ADAMTSL1: variants seen among roughly 807,000 people sequenced by gnomAD.
ADAMTSL1 encodes ADAMTS-like protein 1.
Under a neutral mutation model 201.8 loss-of-function variants are expected in ADAMTSL1, and 126 were observed. The observed-to-expected ratio is 0.62, with a 90% confidence interval of 0.54 to 0.72. The LOEUF (loss-of-function observed/expected upper bound fraction) is 0.72, where lower values mean the gene tolerates loss of function less well. Among genes scored for constraint, ADAMTSL1 ranks in the 30% least tolerant of loss-of-function variants. ADAMTSL1 has a pLI of 0.00. For missense variants in ADAMTSL1, 2,679 were observed against 2,277.8 expected (o/e 1.18, Z -3.59); for synonymous variants, 1,121 against 903.4 (o/e 1.24, Z -4.32).
intron 2 of ADAMTSL1, among the ~76,000 whole-genome samples, chr9:18,266,971 C>T (rs757911409): frequency 5.3e-5 from 8 of 152,112 alleles, no homozygotes; most frequent in Non-Finnish European, 1.0e-4. Context: ...CTGAAGACGA[C>T]GTACACAGCA....
chr9:18,494,197 A>G (rs1822407514), intron 1 of ADAMTSL1, among the ~76,000 whole-genome samples: 1 of 152,132 alleles, frequency 6.6e-6, no homozygotes, highest in Admixed American at 6.5e-5. Flanking sequence ...CTCTATTAAA[A>G]ATACAAAAAT....
chr9:18,833,272 G>T (rs990912966), intron 23 of ADAMTSL1, among the ~76,000 whole-genome samples: 1 of 152,150 alleles, frequency 6.6e-6, no homozygotes, highest in Non-Finnish European at 1.5e-5. Flanking sequence ...GGTCTTTGAG[G>T]AATTGACCAC....
At chr9:17,959,374 C>G (rs1817631819) in intron 1 of ADAMTSL1, among the ~76,000 whole-genome samples, 1 of 152,166 alleles carries the variant, frequency 6.6e-6, no homozygotes, top group Non-Finnish European at 1.5e-5. Context: ...AGATGATACC[C>G]TCCTTCCTCT....
chr9:18,160,691 A>T (rs962488808), intron 1 of ADAMTSL1, among the ~76,000 whole-genome samples: 1 of 139,846 alleles, frequency 7.2e-6, no homozygotes, highest in Non-Finnish European at 1.6e-5. Context: ...TAATTAATTA[A>T]TTTTTTTGAG....
intron 1 of ADAMTSL1, among the ~76,000 whole-genome samples, chr9:18,491,993 A>G (rs1023031443): frequency 6.6e-6 from 1 of 152,194 alleles, no homozygotes. Flanking sequence ...GTAAATACCT[A>G]TTTAACTAGA....
rs1332264810 is a variant in ADAMTSL1 at position 18,563,200 on chromosome 9, GA to G, written c.238-10829del. 2.0e-5 allele frequency among the ~76,000 whole-genome samples: 3 copies of G among 152,144 alleles called. No individual in the cohort carries two copies. In the East Asian group the frequency reaches 5.8e-4, roughly 29 times the overall value. On this transcript the variant is annotated intron_variant, in intron 3 of 28. Coordinates refer to ENST00000380548, the MANE Select transcript of ADAMTSL1 (RefSeq NM_001040272.6). ...TGGTGACTGAATGGGTTTTGTTGTGGACATCCTTTTTGTTGATGTTGATACT... is the reference window on the plus strand; with the variant it reads ...TGGTGACTGAATGGGTTTTGTTGTGGCATCCTTTTTGTTGATGTTGATACT...
chr9:18,595,922 G>T (rs922210639), intron 4 of ADAMTSL1, among the ~76,000 whole-genome samples: 3 of 152,194 alleles, frequency 2.0e-5, no homozygotes, highest in African/African-American at 7.2e-5. Flanking sequence ...TAGGTCATGG[G>T]CTCTGCTAGG....
At chr9:18,173,935 A>G (rs140911015) in intron 2 of ADAMTSL1, among the ~76,000 whole-genome samples, 3 of 152,256 alleles carry the variant, frequency 2.0e-5, no homozygotes, top group East Asian at 3.9e-4. Flanking sequence ...TCAGGTTAGT[A>G]TTCAAATTCC....
intron 2 of ADAMTSL1, among the ~76,000 whole-genome samples, chr9:18,252,883 T>G (rs543720573): frequency 6.6e-6 from 1 of 152,278 alleles, no homozygotes; most frequent in African/African-American, 2.4e-5. Context: ...CTATCTAACT[T>G]TGGAGAATCT....
chr9:18,257,567 G>A (rs893504347), intron 2 of ADAMTSL1, among the ~76,000 whole-genome samples: 7 of 152,126 alleles, frequency 4.6e-5, no homozygotes, highest in Admixed American at 4.6e-4. Flanking sequence ...TGGAATCTTC[G>A]TGCATTGCTG....
intron 2 of ADAMTSL1, among the ~76,000 whole-genome samples, chr9:18,344,825 C>G (rs1284191511): frequency 6.6e-6 from 1 of 152,144 alleles, no homozygotes; most frequent in Non-Finnish European, 1.5e-5. Context: ...TGAAAACTAA[C>G]ATTCAAGACT....
At chr9:18,161,185 A>C (rs1351173918) in intron 1 of ADAMTSL1, among the ~76,000 whole-genome samples, 1 of 151,980 alleles carries the variant, frequency 6.6e-6, no homozygotes, top group Non-Finnish European at 1.5e-5. Context: ...AATAGACAAA[A>C]TGTTGGCTGT....
chr9:18,779,304 T>G (rs977497033), intron 19 of ADAMTSL1, among the ~76,000 whole-genome samples: 1 of 152,216 alleles, frequency 6.6e-6, no homozygotes, highest in Non-Finnish European at 1.5e-5. Flanking sequence ...ATTTTTTGCC[T>G]TTGTAATGTC....
At position 18,069,490 on chromosome 9, in the gene ADAMTSL1, C is replaced by T. The variant is rs140540158; in HGVS notation, c.88-94372C>T. ...AAGTTTACCATTATGCTTTGCAGCACACTCTGATATTGCCTATTCTATTCT... is the reference window on the plus strand; with the variant it reads ...AAGTTTACCATTATGCTTTGCAGCATACTCTGATATTGCCTATTCTATTCT... On this transcript the variant is annotated intron_variant, in intron 1 of 29. Coordinates refer to the ADAMTSL1 transcript ENST00000680146. 6.7e-4 allele frequency among the ~76,000 whole-genome samples: 102 copies of T among 152,292 alleles called. 1 individual carries two copies. In the East Asian group the frequency reaches 0.014, roughly 20 times the overall value.
chr9:18,184,847 T>G (rs1409632992), intron 2 of ADAMTSL1, among the ~76,000 whole-genome samples: 1 of 152,176 alleles, frequency 6.6e-6, no homozygotes, highest in Non-Finnish European at 1.5e-5. Context: ...ATGGCCAAAC[T>G]CAGAAAGTAA....
chr9:17,908,090 C>G (rs1456438797), intron 1 of ADAMTSL1, among the ~76,000 whole-genome samples: 3 of 152,030 alleles, frequency 2.0e-5, no homozygotes, highest in Admixed American at 6.5e-5. Context: ...GAGAGAGGAC[C>G]GAGAATGTTG....
chr9:18,464,733 T>C (rs930459714), intron 2 of ADAMTSL1, among the ~76,000 whole-genome samples: 35 of 152,354 alleles, frequency 2.3e-4, no homozygotes, highest in African/African-American at 7.9e-4. Flanking sequence ...TTTGTATGTT[T>C]ATAACACCCC....
chr9:18,887,755 C>G (rs731370), intron 23 of ADAMTSL1, 76 bp from the exon 24 acceptor site: 3 of 1,326,410 alleles, frequency 2.3e-6, no homozygotes, highest in Non-Finnish European at 3.2e-6. Flanking sequence ...TAGAGCCACA[C>G]AGACAGTAAA....
At chr9:18,890,884 T>G (rs1563893285) in intron 25 of ADAMTSL1, 6 of 287,274 alleles carry the variant, frequency 2.1e-5, no homozygotes, top group Admixed American at 4.8e-5. Flanking sequence ...CCAGGAACTT[T>G]CTGACTTGAT....
Sources: gnomAD v4.1 joint callset for allele counts (sites outside exome capture counted in the v4.1 genomes callset) on GRCh38, gnomAD v4.1.1 for gene constraint, MANE v1.5 for transcripts, NCBI Gene and HGNC (gene_info 2026-07-23, HGNC 2026-07-21) for gene names.